Variants in ERC2 observed in about 807,000 individuals in gnomAD.
ERC2 encodes the protein ERC protein 2.
ERC2 carries 42 observed loss-of-function variants against 114.8 expected under a neutral mutation model. The observed-to-expected ratio is 0.37, with a 90% CI of 0.29 to 0.47. The LOEUF (loss-of-function observed/expected upper bound fraction) is 0.47. Ranked by LOEUF, ERC2 falls within the 20% of genes least tolerant of loss-of-function variation. The pLI, the probability that ERC2 is intolerant of heterozygous loss-of-function variation, is 0.99. For missense variants in ERC2, 939 were observed against 1,150.7 expected, an observed-to-expected ratio of 0.82 and a Z score of 2.66; for synonymous variants, 454 against 425.5, an observed-to-expected ratio of 1.07 and a Z score of -0.82.
At chr3:55,935,500 A>C (rs2066383160) in intron 13 of ERC2, among the ~76,000 whole-genome samples, 1 of 152,214 alleles carries the variant, frequency 6.6e-6, no homozygotes, top group South Asian at 2.1e-4. Context: ...TCAATTAGAC[A>C]ATGAACAAAC....
intron 2 of ERC2, among the ~76,000 whole-genome samples, chr3:56,316,969 C>T (rs950407213): frequency 6.6e-6 from 1 of 152,232 alleles, no homozygotes; most frequent in Admixed American, 6.5e-5. Flanking sequence ...AACTCACTTT[C>T]ACTGACTGTT....
intron 12 of ERC2, among the ~76,000 whole-genome samples, chr3:55,976,419 C>T (rs542833513): frequency 8.5e-5 from 13 of 152,218 alleles, no homozygotes; most frequent in African/African-American, 3.1e-4. Flanking sequence ...CATTCCACTC[C>T]GAATGCCTTT....
At chr3:56,365,874 G>A (rs1310252810) in intron 2 of ERC2, among the ~76,000 whole-genome samples, 1 of 152,174 alleles carries the variant, frequency 6.6e-6, no homozygotes. Context: ...TGAAAGTAAA[G>A]ACCAGCTCTT....
chr3:56,450,783 A>T lies in ERC2; in HGVS notation c.-140-15636T>A, dbSNP rs114200340. 5.4e-3 allele frequency among the ~76,000 whole-genome samples: 825 copies of T among 152,296 alleles called. 9 individuals carry two copies. Among genetic ancestry groups the T allele is most frequent in the African/African-American group, 0.018 (767 of 41,566 alleles). ...GAGTTCAAGGCAGCAGGGAGCTATG[A>T]TCACGCCGTTGCGCTCCAGCCTGGG... On this transcript the variant is annotated intron_variant, in intron 1 of 17. Transcript: ENST00000288221.
chr3:55,972,958 G>T (rs2069286062), intron 12 of ERC2, among the ~76,000 whole-genome samples: 1 of 152,198 alleles, frequency 6.6e-6, no homozygotes, highest in Admixed American at 6.5e-5. Flanking sequence ...GGCAAACACT[G>T]AATGGGGAAT....
chr3:55,575,625 C>A (rs1207709426), intron 17 of ERC2, among the ~76,000 whole-genome samples: 1 of 152,198 alleles, frequency 6.6e-6, no homozygotes, highest in Non-Finnish European at 1.5e-5. Flanking sequence ...GGGTGCTGGG[C>A]CCAGTTCCTG....
chr3:55,723,143 A>G (rs1025348879), intron 15 of ERC2, among the ~76,000 whole-genome samples: 1 of 152,240 alleles, frequency 6.6e-6, no homozygotes, highest in Non-Finnish European at 1.5e-5. Flanking sequence ...TATGTTTTCG[A>G]AGGCTTTTAA....
At position 55,635,603 on chromosome 3, in the gene ERC2, C is replaced by T. The variant is rs145426380; in HGVS notation, c.*39+48191G>A. Among the ~76,000 whole-genome samples, 1,416 of 152,066 alleles carry T rather than the reference C, an allele frequency of 9.3e-3. 29 individuals carry two copies. Among genetic ancestry groups the T allele is most frequent in the African/African-American group, 0.033 (1,352 of 41,458 alleles). On this transcript the variant is annotated intron_variant, in intron 17 of 17. Coordinates refer to ENST00000288221, the MANE Select transcript of ERC2 (RefSeq NM_015576.3). Reference sequence around the variant, plus strand: ...ACGGGGTTTTATCATGTTGGCCAAGCTGGTCTTGAACTCTTGGCCTCAAGT... The same window carrying T: ...ACGGGGTTTTATCATGTTGGCCAAGTTGGTCTTGAACTCTTGGCCTCAAGT...
intron 3 of ERC2, among the ~76,000 whole-genome samples, chr3:56,251,124 C>A (rs2052122008): frequency 6.6e-6 from 1 of 152,112 alleles, no homozygotes; most frequent in African/African-American, 2.4e-5. Flanking sequence ...ACATTTCTCA[C>A]CCACCATAGA....
chr3:56,259,673 TG>T (rs2052780135), intron 3 of ERC2, among the ~76,000 whole-genome samples: 2 of 151,968 alleles, frequency 1.3e-5, no homozygotes, highest in Non-Finnish European at 2.9e-5. Flanking sequence ...TGATATGATA[TG>T]ATATGATATG....
At chr3:56,002,047 T>C (rs535533424) in intron 10 of ERC2, among the ~76,000 whole-genome samples, 2 of 152,254 alleles carry the variant, frequency 1.3e-5, no homozygotes, top group South Asian at 4.2e-4. Context: ...TGCTAAAATC[T>C]GCATTTTGAA....
At chr3:56,339,481 G>C (rs760674014) in intron 2 of ERC2, among the ~76,000 whole-genome samples, 73 of 152,196 alleles carry the variant, frequency 4.8e-4, no homozygotes, top group Middle Eastern at 6.8e-3. Context: ...GAGAAGCCAG[G>C]GAGACTGGTC....
chr3:56,133,030 A>T (rs910167227), intron 6 of ERC2, among the ~76,000 whole-genome samples: 6 of 152,176 alleles, frequency 3.9e-5, no homozygotes, highest in Admixed American at 2.0e-4. Context: ...AGAGTTATTC[A>T]TTCTTATCCC....
intron 17 of ERC2, among the ~76,000 whole-genome samples, chr3:55,550,955 G>C (rs1224829044): frequency 1.3e-5 from 2 of 150,226 alleles, no homozygotes; most frequent in Non-Finnish European, 3.0e-5. Context: ...GGCAGATCTT[G>C]TAGTGAGCTG....
intron 13 of ERC2, among the ~76,000 whole-genome samples, chr3:55,927,065 T>G (rs1248543382): frequency 2.0e-5 from 3 of 152,192 alleles, no homozygotes; most frequent in African/African-American, 2.4e-5. Flanking sequence ...TGGACCCCTG[T>G]CCATTCTGTT....
intron 2 of ERC2, among the ~76,000 whole-genome samples, chr3:56,384,457 C>T (rs549064394): frequency 6.6e-6 from 1 of 152,118 alleles, no homozygotes; most frequent in South Asian, 2.1e-4. Context: ...CTAGTATGTT[C>T]AGTATTTTTT....
intron 3 of ERC2, among the ~76,000 whole-genome samples, chr3:56,218,300 A>T (rs926890228): frequency 6.8e-4 from 103 of 152,002 alleles, no homozygotes; most frequent in African/African-American, 2.4e-3. Flanking sequence ...CAAGAAAAAA[A>T]CAAACAACCC....
At chr3:55,733,488 T>A (rs917861700) in intron 15 of ERC2, among the ~76,000 whole-genome samples, 38 of 81,594 alleles carry the variant, frequency 4.7e-4, no homozygotes, top group African/African-American at 1.6e-3. Context: ...ACACACACAT[T>A]CTCTGTCTCT....
intron 17 of ERC2, among the ~76,000 whole-genome samples, chr3:55,515,650 A>G (rs1575438561): frequency 7.0e-6 from 1 of 142,690 alleles, no homozygotes; most frequent in Non-Finnish European, 1.5e-5. Context: ...GTGGGGAGAA[A>G]CCAGTATTGG....
Sources: gnomAD v4.1 joint callset for allele counts (sites outside exome capture counted in the v4.1 genomes callset) on GRCh38, gnomAD v4.1.1 for gene constraint, MANE v1.5 for transcripts, NCBI Gene and HGNC (gene_info 2026-07-23, HGNC 2026-07-21) for gene names.